HS2ST1: variants seen among roughly 807,000 people sequenced by gnomAD.
HS2ST1 encodes 2-O-sulfotransferase.
In HS2ST1, 18 loss-of-function variants were observed where a neutral mutation model predicts 42.9. The observed-to-expected ratio is 0.42, with a 90% CI of 0.29 to 0.62. The LOEUF (loss-of-function observed/expected upper bound fraction) is 0.62. HS2ST1 is among the 20% of genes least tolerant of loss of function. The pLI, the probability that HS2ST1 is intolerant of heterozygous loss-of-function variation, is 0.21. For synonymous variants in HS2ST1, 146 were observed against 152.9 expected (o/e 0.95, Z 0.33); for missense variants, 334 against 433.8 (o/e 0.77, Z 2.04).
At chr1:87,101,561 T>A (rs546684591) in intron 5 of HS2ST1, among the ~76,000 whole-genome samples, 1 of 152,194 alleles carries the variant, frequency 6.6e-6, no homozygotes, top group Non-Finnish European at 1.5e-5. Flanking sequence ...TGACCTTTAC[T>A]CCAGTTCTCA....
At chr1:87,000,288 A>G (rs1649245214) in intron 1 of HS2ST1, among the ~76,000 whole-genome samples, 1 of 152,206 alleles carries the variant, frequency 6.6e-6, no homozygotes, top group Non-Finnish European at 1.5e-5. Context: ...AACTAATGGA[A>G]TACTAACTTA....
intron 1 of HS2ST1, among the ~76,000 whole-genome samples, chr1:87,044,068 G>T (rs7552504): frequency 0.9 from 137,632 of 152,120 alleles, 62,530 homozygotes; most frequent in East Asian, 0.99. Context: ...AGGAGAAAGG[G>T]TCTGTGGTAG....
At chr1:86,968,419 T>G (rs572136009) in intron 1 of HS2ST1, among the ~76,000 whole-genome samples, 1 of 117,348 alleles carries the variant, frequency 8.5e-6, no homozygotes, top group South Asian at 3.4e-4. Flanking sequence ...GGATTACTTA[T>G]TTCTCCAATC....
chr1:86,962,140 G>C (rs988459686), intron 1 of HS2ST1, among the ~76,000 whole-genome samples: 20 of 152,092 alleles, frequency 1.3e-4, no homozygotes, highest in Non-Finnish European at 2.6e-4. Context: ...ACATCTTGTT[G>C]GGACCGTGTG....
chr1:86,930,097 T>C (rs972435695), intron 1 of HS2ST1, among the ~76,000 whole-genome samples: 3 of 139,988 alleles, frequency 2.1e-5, no homozygotes, highest in African/African-American at 8.7e-5. Flanking sequence ...TCACCTCTTT[T>C]ATCATATATA....
intron 1 of HS2ST1, among the ~76,000 whole-genome samples, chr1:86,991,860 T>C (rs777850463): frequency 2.0e-5 from 3 of 151,246 alleles, no homozygotes; most frequent in Admixed American, 6.6e-5. Flanking sequence ...TACAAAATGC[T>C]CTTTCTAAGA....
chr1:86,963,308 C>T (rs1647907311), intron 1 of HS2ST1, among the ~76,000 whole-genome samples: 1 of 152,108 alleles, frequency 6.6e-6, no homozygotes, highest in South Asian at 2.1e-4. Flanking sequence ...ATCCTGCGGC[C>T]TACCGCAGTG....
At chr1:86,947,341 C>G (rs538647928) in intron 1 of HS2ST1, among the ~76,000 whole-genome samples, 28 of 152,264 alleles carry the variant, frequency 1.8e-4, no homozygotes, top group Non-Finnish European at 3.4e-4. Context: ...TATTTATTCT[C>G]AATGTAAATG....
At chr1:87,044,337 A>G (rs529426267) in intron 1 of HS2ST1, among the ~76,000 whole-genome samples, 1 of 152,246 alleles carries the variant, frequency 6.6e-6, no homozygotes, top group Admixed American at 6.5e-5. Context: ...CAAAACATCA[A>G]CTATAAATAA....
chr1:87,078,383 T>G (rs1276693842), intron 2 of HS2ST1, among the ~76,000 whole-genome samples: 1 of 152,198 alleles, frequency 6.6e-6, no homozygotes, highest in Non-Finnish European at 1.5e-5. Flanking sequence ...GTGTTTTTCC[T>G]TAAGGTCTCT....
chr1:86,934,090 C>T (rs1422751077), intron 1 of HS2ST1, among the ~76,000 whole-genome samples: 5 of 152,104 alleles, frequency 3.3e-5, no homozygotes, highest in Non-Finnish European at 7.4e-5. Context: ...TTAGCTCCTG[C>T]AACCTTTACC....
intron 1 of HS2ST1, among the ~76,000 whole-genome samples, chr1:87,069,690 A>G (rs946329385): frequency 6.6e-6 from 1 of 152,200 alleles, no homozygotes; most frequent in Non-Finnish European, 1.5e-5. Context: ...TAAGCAAAGT[A>G]AAAACACTTG....
rs1490612167 is a variant in HS2ST1, at chr1:87,103,570, T to C, written c.825T>C (p.Ala275=). 6.2e-7 allele frequency: 1 copy of C among 1,609,486 alleles called. No individual in the cohort carries two copies. Among genetic ancestry groups the C allele is most frequent in the South Asian group, 1.1e-5 (1 of 89,864 alleles). The stretch of plus-strand genomic sequence containing the variant: ...CATTGCCCCGGTTTTTCAGGGGTGC[T>C]ACTGAACTCTATCGCACAGGTATAT... ...EAALPRFFRG[A]TELYRTGKKS... The change falls in exon 6 of 7, where the codon GCT becomes GCC. Residue 275 remains alanine, a synonymous_variant. Coordinates refer to ENST00000370550, the MANE Select transcript of HS2ST1 (RefSeq NM_012262.4).
chr1:86,999,682 A>T (rs1649219761), intron 1 of HS2ST1, among the ~76,000 whole-genome samples: 1 of 84,950 alleles, frequency 1.2e-5, no homozygotes, highest in African/African-American at 3.2e-5. Flanking sequence ...CATTCTTTTC[A>T]AATTATGCTT....
chr1:86,971,019 T>G (rs184528954), intron 1 of HS2ST1, among the ~76,000 whole-genome samples: 4 of 152,184 alleles, frequency 2.6e-5, no homozygotes, highest in African/African-American at 9.7e-5. Flanking sequence ...GGGATAGATA[T>G]CTGAAATAAG....
At chr1:86,962,332 A>T (rs1647871227) in intron 1 of HS2ST1, among the ~76,000 whole-genome samples, 1 of 152,134 alleles carries the variant, frequency 6.6e-6, no homozygotes, top group Admixed American at 6.5e-5. Flanking sequence ...TTTTAAGGTA[A>T]TACAAATTGA....
intron 1 of HS2ST1, among the ~76,000 whole-genome samples, chr1:87,053,699 C>G (rs1650887966): frequency 6.6e-6 from 1 of 152,160 alleles, no homozygotes; most frequent in Non-Finnish European, 1.5e-5. Context: ...TAGCATTTAT[C>G]TGCTGCAGTA....
At position 87,107,324 on chromosome 1, in the gene HS2ST1, A is replaced by G. The variant is rs1022117203; in HGVS notation, c.*2628A>G. The G allele has an allele frequency of 3.3e-5, 5 of 151,972 alleles. No individual in the cohort carries two copies. Among genetic ancestry groups the G allele is most frequent in the Admixed American group, 1.3e-4 (2 of 15,228 alleles). 9.4% of individuals were successfully genotyped at this position (151,972 alleles called of 1,614,324 possible). On this transcript the variant is annotated 3_prime_UTR_variant, in exon 7 of 7. Coordinates refer to ENST00000370550, the MANE Select transcript of HS2ST1 (RefSeq NM_012262.4). Reference sequence around the variant, plus strand: ...TGGGCATGGTTTATTTCCCAGTTTAACAGTTCAGAATAGGGGCATTTATTT... The same window carrying G: ...TGGGCATGGTTTATTTCCCAGTTTAGCAGTTCAGAATAGGGGCATTTATTT...
chr1:87,091,525 C>A (rs1391010653), intron 3 of HS2ST1, among the ~76,000 whole-genome samples: 4 of 151,736 alleles, frequency 2.6e-5, no homozygotes, highest in African/African-American at 9.7e-5. Flanking sequence ...TAGGAACATC[C>A]TTTGAGAATT....
Sources: allele counts gnomAD v4.1 joint callset (sites outside exome capture counted in the v4.1 genomes callset), GRCh38; gene constraint gnomAD v4.1.1; transcripts MANE v1.5; gene names NCBI Gene and HGNC (gene_info 2026-07-23, HGNC 2026-07-21).